The following MLST8 variants were observed in gnomAD, a reference collection of about 807,000 sequenced individuals.
MLST8 encodes MTOR associated protein MLST8.
In MLST8, 20 loss-of-function variants were observed where a neutral mutation model predicts 41.3. That is an observed-to-expected ratio of 0.48 (90% CI 0.34 to 0.70). MLST8 has a LOEUF of 0.70. Among genes scored for constraint, MLST8 ranks in the 30% least tolerant of loss-of-function variants. The pLI, the probability that MLST8 is intolerant of heterozygous loss-of-function variation, is 0.01. For synonymous variants in MLST8, 243 were observed against 183.0 expected (o/e 1.33, Z -2.65); for missense variants, 422 against 454.3 (o/e 0.93, Z 0.65).
At position 2,208,247 on chromosome 16, in the gene MLST8, G is replaced by T; in HGVS notation, c.611G>T (p.Gly204Val). ...CYVWNLTGGI[G>V]DEVTQLIPKT... ...GTCTGGAATCTGACGGGGGGCATTGGTGACGAGGTGACCCAGCTCATCCCC... is the reference window on the plus strand; with the variant it reads ...GTCTGGAATCTGACGGGGGGCATTGTTGACGAGGTGACCCAGCTCATCCCC... Residue 204 changes from glycine (G) to valine (V), a missense_variant, in exon 7 of 9, where the codon GGT (glycine) becomes GTT (valine). Physicochemically the swap from Gly to Val is moderately radical, Grantham distance 109 (BLOSUM62 -3). Transcript: ENST00000569417. 6.2e-7 allele frequency: 1 copy of T among 1,613,542 alleles called. No homozygotes were observed. The highest frequency in any genetic ancestry group is 8.5e-7 in the Non-Finnish European group (1 of 1,179,718).
chr16:2,205,808 G>A (rs1019421496), intron 1 of MLST8: 9 of 1,118,844 alleles, frequency 8.0e-6, no homozygotes, highest in Non-Finnish European at 9.9e-6. Context: ...GGAGGTGGGG[G>A]GGGGACGGCG....
chr16:2,206,049 C>T lies in MLST8; in HGVS notation c.-37C>T, dbSNP rs899781947. Reference sequence around the variant, plus strand: ...TCTGCAGATGCTCTGACCTTTGACCCCTGCCGTTCAGCTCTAGGGCCCGTG... The same window carrying T: ...TCTGCAGATGCTCTGACCTTTGACCTCTGCCGTTCAGCTCTAGGGCCCGTG... On this transcript the variant is annotated 5_prime_UTR_variant, in exon 2 of 9. Transcript: ENST00000569417. 1.9e-6 allele frequency: 3 copies of T among 1,546,692 alleles called. No homozygotes were observed. Among genetic ancestry groups the T allele is most frequent in the Non-Finnish European group, 2.6e-6 (3 of 1,143,172 alleles).
Position 2,209,206 on chromosome 16 carries a change from C to T in MLST8, c.*329C>T. 1 of 741,988 alleles carries T rather than the reference C, an allele frequency of 1.3e-6. No homozygotes were observed. The highest frequency in any genetic ancestry group is 2.2e-6 in the Non-Finnish European group (1 of 459,982). The allele number at this position is 741,988 out of a possible 1,614,324, so 46.0% of individuals were successfully genotyped here. On this transcript the variant is annotated 3_prime_UTR_variant, in exon 9 of 9. Transcript: ENST00000569417. ...AAGCTAGTGTGTTCTCTGCCCCTCCCTGCCCGCGTTTCAGGGCCTCGGTCC... is the reference window on the plus strand; with the variant it reads ...AAGCTAGTGTGTTCTCTGCCCCTCCTTGCCCGCGTTTCAGGGCCTCGGTCC...
intron 2 of MLST8, 39 bp downstream of exon 2, chr16:2,206,253 G>A (rs756868425): frequency 7.5e-6 from 12 of 1,600,700 alleles, no homozygotes; most frequent in African/African-American, 1.3e-5. Context: ...GCGCTGGGGG[G>A]ATGCCTCGTG....
Position 2,208,956 on chromosome 16 carries a change from C to A in MLST8, c.*79C>A. 6.7e-7 allele frequency: 1 copy of A among 1,497,908 alleles called. No individual in the cohort carries two copies. Among genetic ancestry groups the A allele is most frequent in the Non-Finnish European group, 9.2e-7 (1 of 1,088,758 alleles). The allele number at this position is 1,497,908 out of a possible 1,614,324, so 92.8% of individuals were successfully genotyped here. A position where few individuals can be genotyped will look rare whatever the true frequency, so the allele number is the denominator to read the frequency against. On this transcript the variant is annotated 3_prime_UTR_variant, in exon 9 of 9. Transcript: ENST00000569417. ...TGCAGCACCCAGGTCAGAGCAGACC[C>A]TCCCCTGCCGGCCTGCGCCAGCTGG...
At position 2,206,196 on chromosome 16, in the gene MLST8, G is replaced by T; in HGVS notation, c.111G>T (p.Thr37=). ...WQAHSGICTR[T]VQHQDSQVNA... is the part of the protein sequence containing the mutation. Reference sequence around the variant, plus strand: ...CCCACAGCGGCATCTGCACCCGGACGGTGCAGCACCAGGACTCCGTATCCT... The same window carrying T: ...CCCACAGCGGCATCTGCACCCGGACTGTGCAGCACCAGGACTCCGTATCCT... The change falls in exon 2 of 9, where the codon ACG becomes ACT. Residue 37 remains threonine, a synonymous_variant. Coordinates refer to ENST00000569417, the MANE Select transcript of MLST8 (RefSeq NM_022372.6). 1 of 1,608,944 alleles carries T rather than the reference G, an allele frequency of 6.2e-7. No individual in the cohort carries two copies. Among genetic ancestry groups the T allele is most frequent in the South Asian group, 1.1e-5 (1 of 90,924 alleles).
chr16:2,208,110 C>T (rs927205725), intron 6 of MLST8, 100 bp from the exon 7 acceptor site: 3 of 1,426,430 alleles, frequency 2.1e-6, no homozygotes, highest in South Asian at 1.4e-5. Flanking sequence ...CCCGGGGTCC[C>T]CATGCACAGT....
chr16:2,205,831 G>A, intron 1 of MLST8, 200 bp from the exon 2 acceptor site: 1 of 1,199,336 alleles, frequency 8.3e-7, no homozygotes, highest in Non-Finnish European at 1.0e-6. Context: ...CCCGCCGTGT[G>A]CGTGGGGCGG....
In MLST8 at chr16:2,209,249, C is replaced by G; in HGVS notation, c.*372C>G. ...CTCGGTCCATAGAGAACACCACCAC[C>G]ATGGCCAGGTGGAAGGGTTTATTAG... On this transcript the variant is annotated 3_prime_UTR_variant, in exon 9 of 9. Coordinates refer to ENST00000569417, the MANE Select transcript of MLST8 (RefSeq NM_022372.6). 2 of 1,014,978 alleles carry G rather than the reference C, an allele frequency of 2.0e-6. No homozygotes were observed. The highest frequency in any genetic ancestry group is 2.9e-6 in the Non-Finnish European group (2 of 683,344). 62.9% of individuals were successfully genotyped at this position (1,014,978 alleles called of 1,614,324 possible). A position where few individuals can be genotyped will look rare whatever the true frequency, so the allele number is the denominator to read the frequency against.
At position 2,208,776 on chromosome 16, in the gene MLST8, G is replaced by A. The variant is rs749151528; in HGVS notation, c.880G>A (p.Ala294Thr). Residue 294 changes from alanine (A) to threonine (T), a missense_variant, in exon 9 of 9, where the codon GCC becomes ACC. Physicochemically the swap from Ala to Thr is moderately conservative, Grantham distance 58. Transcript: ENST00000569417. ...YIVTASSDNL[A>T]RLWCVETGEI... Reference sequence around the variant, plus strand: ...CCCTCCAGCTTCCTCGGACAACCTGGCCCGGCTCTGGTGTGTGGAGACTGG... The same window carrying A: ...CCCTCCAGCTTCCTCGGACAACCTGACCCGGCTCTGGTGTGTGGAGACTGG... The A allele has an allele frequency of 1.2e-6, 2 of 1,613,888 alleles. No individual in the cohort carries two copies. The highest frequency in any genetic ancestry group is 1.7e-6 in the Non-Finnish European group (2 of 1,179,926).
At chr16:2,206,250 G>A (rs1161012553) in intron 2 of MLST8, 36 bp downstream of exon 2, 1 of 1,601,652 alleles carries the variant, frequency 6.2e-7, no homozygotes, top group South Asian at 1.1e-5. Flanking sequence ...GCGGCGCTGG[G>A]GGGATGCCTC....
chr16:2,208,044 C>T, intron 6 of MLST8, 166 bp from the exon 7 acceptor site: 1 of 711,958 alleles, frequency 1.4e-6, no homozygotes, highest in Non-Finnish European at 2.2e-6. Flanking sequence ...TTGCTTGGGG[C>T]CAGGCTTCCC....
At position 2,208,041 on chromosome 16, in the gene MLST8, G is replaced by C. The variant is rs76711054; in HGVS notation, c.574-169G>C. 1.6e-3 allele frequency: 1,089 copies of C among 686,868 alleles called. 12 individuals are homozygous for C. In the African/African-American group the frequency reaches 0.019, roughly 12 times the overall value. The allele number at this position is 686,868 out of a possible 1,614,324, so 42.5% of individuals were successfully genotyped here. On this transcript the variant is annotated intron_variant, in intron 6 of 8. Transcript: ENST00000569417. ...GCTTGCCAGGTGTGGCCCTTGCTTG[G>C]GGCCAGGCTTCCCAGGTGCCTTCTG...
chr16:2,207,390 A>G, intron 6 of MLST8, 45 bp downstream of exon 6: 1 of 1,596,076 alleles, frequency 6.3e-7, no homozygotes, highest in Non-Finnish European at 8.6e-7. Context: ...CTTGGCACTC[A>G]GCCCTCAGCC....
intron 1 of MLST8, chr16:2,205,749 G>GC (rs1445098143): frequency 2.7e-5 from 28 of 1,020,856 alleles, no homozygotes; most frequent in Non-Finnish European, 3.3e-5. Flanking sequence ...CGCGCAGCCC[G>GC]CCCCTGCGGC....
At chr16:2,207,508 C>T (rs1336381910) in intron 6 of MLST8, 163 bp downstream of exon 6, 9 of 813,678 alleles carry the variant, frequency 1.1e-5, no homozygotes, top group Non-Finnish European at 1.7e-5. Context: ...CTTAGTGTCG[C>T]TCCCGATGGC....
intron 8 of MLST8, 70 bp from the exon 9 acceptor site, chr16:2,208,689 T>A: frequency 6.2e-7 from 1 of 1,612,714 alleles, no homozygotes; most frequent in East Asian, 2.2e-5. Flanking sequence ...CGGCTGCAGC[T>A]TCCCCTCTGC....
chr16:2,208,022 C>T (rs566006306), intron 6 of MLST8, 188 bp from the exon 7 acceptor site: 9 of 561,416 alleles, frequency 1.6e-5, no homozygotes, highest in African/African-American at 1.4e-4. Flanking sequence ...CTTGGCTTGC[C>T]AGGTGTGGCC....
rs1567276856 is a variant in MLST8, at chr16:2,207,331, G to A, written c.559G>A (p.Ala187Thr). ...HIDPDASYMA[A>T]VNSTGNCYVW... ...CGATCCCGACGCCAGCTACATGGCA[G>A]CTGTCAATAGCACCGTGAGTCCTGG... The change falls in exon 6 of 9, where the codon GCT becomes ACT. Residue 187 changes from alanine to threonine, a missense_variant. Ala to Thr is a moderately conservative substitution (Grantham distance 58). Coordinates refer to ENST00000569417, the MANE Select transcript of MLST8 (RefSeq NM_022372.6). 4 of 1,614,118 alleles carry A rather than the reference G, an allele frequency of 2.5e-6. No individual in the cohort carries two copies. The highest frequency in any genetic ancestry group is 2.5e-6 in the Non-Finnish European group (3 of 1,179,968).
Sources: allele counts gnomAD v4.1 joint callset, GRCh38; gene constraint gnomAD v4.1.1; transcripts MANE v1.5; gene names NCBI Gene and HGNC (gene_info 2026-07-23, HGNC 2026-07-21).